The following ADGRV1 variants were observed in gnomAD, a reference collection of about 807,000 sequenced individuals.
ADGRV1 encodes adhesion G protein-coupled receptor V1, also known as G-protein coupled receptor 98.
ADGRV1 carries 359 observed loss-of-function variants against 596.2 expected under a neutral mutation model. The ratio of observed to expected loss-of-function variants is 0.60; its 90% CI spans 0.55 to 0.66. The LOEUF (loss-of-function observed/expected upper bound fraction) is 0.66. Ranked by LOEUF, ADGRV1 falls within the 30% of genes least tolerant of loss-of-function variation. ADGRV1 has a pLI of 0.00. For missense variants in ADGRV1, 7,274 were observed against 7,575.6 expected, an observed-to-expected ratio of 0.96 and a Z score of 1.48; for synonymous variants, 2,681 against 2,679.2, an observed-to-expected ratio of 1.00 and a Z score of -0.02.
intron 87 of ADGRV1, among the ~76,000 whole-genome samples, chr5:91,108,051 A>G (rs921090110): frequency 2.6e-5 from 4 of 152,206 alleles, no homozygotes; most frequent in Non-Finnish European, 5.9e-5. Flanking sequence ...TGAAGCAGCA[A>G]TGATTATTTG....
At chr5:91,127,731 A>G (rs1562253517) in intron 87 of ADGRV1, among the ~76,000 whole-genome samples, 1 of 152,198 alleles carries the variant, frequency 6.6e-6, no homozygotes, top group Non-Finnish European at 1.5e-5. Flanking sequence ...CTGCCTTTAT[A>G]GAGACACCAG....
At chr5:90,737,243 A>G (rs1248291525) in intron 50 of ADGRV1, among the ~76,000 whole-genome samples, 3 of 151,910 alleles carry the variant, frequency 2.0e-5, no homozygotes, top group African/African-American at 7.2e-5. Context: ...GAATTTCCCA[A>G]GATTTCTTCT....
intron 87 of ADGRV1, among the ~76,000 whole-genome samples, chr5:91,132,136 C>G (rs924175298): frequency 1.3e-4 from 19 of 151,686 alleles, no homozygotes; most frequent in African/African-American, 4.6e-4. Flanking sequence ...GGTCTCTGTT[C>G]TGTTCCATTG....
chr5:90,922,981 A>G (rs1250027542), intron 83 of ADGRV1, among the ~76,000 whole-genome samples: 1 of 152,078 alleles, frequency 6.6e-6, no homozygotes, highest in Non-Finnish European at 1.5e-5. Flanking sequence ...CTAAATTTAT[A>G]CTGAGGGACT....
rs60272312 is a variant in ADGRV1, at chr5:90,949,774, A to T, written c.17857-15641A>T. 4.6e-3 allele frequency among the ~76,000 whole-genome samples: 707 copies of T among 152,324 alleles called. 9 individuals are homozygous for T. The highest frequency in any genetic ancestry group is 0.016 in the African/African-American group (671 of 41,576). On this transcript the variant is annotated intron_variant, in intron 83 of 89. Coordinates refer to ENST00000405460, the MANE Select transcript of ADGRV1 (RefSeq NM_032119.4). ...GCCAGAAAGAAGCAAAAAAAATAAA[A>T]TTATAGAATGTTAGAGCTGTAAGAC... is the stretch of plus-strand genomic sequence containing the variant.
intron 45 of ADGRV1, among the ~76,000 whole-genome samples, chr5:90,721,561 T>TA (rs150716034): frequency 0.23 from 739 of 3,268 alleles, 66 homozygotes; most frequent in East Asian, 0.52. Flanking sequence ...TAAAATAAAA[T>TA]AAAATAAAAT....
rs376191074 is a variant in ADGRV1, at chr5:90,692,775, T to G, written c.7122T>G (p.Thr2374=). 2.9e-5 allele frequency: 46 copies of G among 1,595,738 alleles called. No homozygotes were observed. The highest frequency in any genetic ancestry group is 3.8e-5 in the Non-Finnish European group (44 of 1,171,142). The change falls in exon 32 of 90, where the codon ACT becomes ACG. Residue 2374 remains threonine, a synonymous_variant. Transcript: ENST00000405460. ...AAAGAAGTTCCTGTGCTAATATAACTGTCAGGCGAAGGTATATGAGATAGC... is the reference window on the plus strand; with the variant it reads ...AAAGAAGTTCCTGTGCTAATATAACGGTCAGGCGAAGGTATATGAGATAGC... ...PLERSSCANI[T]VRRSGGHFGR...
At chr5:91,006,059 A>G (rs1254479170) in intron 85 of ADGRV1, among the ~76,000 whole-genome samples, 1 of 152,178 alleles carries the variant, frequency 6.6e-6, no homozygotes, top group South Asian at 2.1e-4. Flanking sequence ...TTTTCAAACT[A>G]GAATACTTGT....
intron 83 of ADGRV1, among the ~76,000 whole-genome samples, chr5:90,946,439 T>C (rs941962787): frequency 3.3e-5 from 5 of 152,192 alleles, no homozygotes; most frequent in Admixed American, 3.3e-4. Context: ...GTGGCTATAC[T>C]TATTGGTTGG....
chr5:91,135,005 A>G (rs1303376648), intron 87 of ADGRV1, among the ~76,000 whole-genome samples: 3 of 152,042 alleles, frequency 2.0e-5, no homozygotes. Context: ...AACATGGTGA[A>G]ACCCCGTCTC....
At chr5:90,856,511 T>C (rs1482428956) in intron 82 of ADGRV1, among the ~76,000 whole-genome samples, 1 of 152,220 alleles carries the variant, frequency 6.6e-6, no homozygotes, top group Non-Finnish European at 1.5e-5. Flanking sequence ...TATTATTTGC[T>C]GTATTAATTA....
intron 82 of ADGRV1, among the ~76,000 whole-genome samples, chr5:90,860,068 G>A (rs1308212881): frequency 6.6e-6 from 1 of 151,980 alleles, no homozygotes; most frequent in Non-Finnish European, 1.5e-5. Context: ...TCCAGCCTGG[G>A]AGACTGAGCA....
At chr5:90,968,881 G>A (rs1310817994) in intron 84 of ADGRV1, among the ~76,000 whole-genome samples, 1 of 152,052 alleles carries the variant, frequency 6.6e-6, no homozygotes, top group Non-Finnish European at 1.5e-5. Context: ...ATATGTCTGT[G>A]CATAGCTTAT....
chr5:90,759,901 G>A, intron 58 of ADGRV1: 2 of 298,696 alleles, frequency 6.7e-6, no homozygotes, highest in South Asian at 6.1e-5. Flanking sequence ...GGAGGCAGAG[G>A]TTGCAGTGAG....
intron 83 of ADGRV1, among the ~76,000 whole-genome samples, chr5:90,889,078 C>T (rs1047141282): frequency 6.6e-6 from 1 of 152,066 alleles, no homozygotes; most frequent in Non-Finnish European, 1.5e-5. Flanking sequence ...GGAGTGCCAA[C>T]AAGTTTTTCA....
At position 91,103,989 on chromosome 5, in the gene ADGRV1, G is replaced by A. The variant is rs73771174; in HGVS notation, c.18432+1649G>A. 6.4e-3 allele frequency among the ~76,000 whole-genome samples: 979 copies of A among 152,284 alleles called. 11 individuals carry two copies. Among genetic ancestry groups the A allele is most frequent in the African/African-American group, 0.022 (910 of 41,556 alleles). ...ACAGAAAGGGTAGATTGGTTTAAACGCCGGCTTTCCATGCTTGGGATGCTG... is the reference window on the plus strand; with the variant it reads ...ACAGAAAGGGTAGATTGGTTTAAACACCGGCTTTCCATGCTTGGGATGCTG... On this transcript the variant is annotated intron_variant, in intron 87 of 89. Coordinates refer to ENST00000405460, the MANE Select transcript of ADGRV1 (RefSeq NM_032119.4).
At chr5:90,703,639 T>C in intron 34 of ADGRV1, 26 bp from the exon 35 acceptor site, 1 of 1,542,240 alleles carries the variant, frequency 6.5e-7, no homozygotes, top group Non-Finnish European at 8.9e-7. Flanking sequence ...ATTAAGTATT[T>C]ATCAATTTAC....
At chr5:90,860,214 A>G (rs1332673732) in intron 82 of ADGRV1, among the ~76,000 whole-genome samples, 2 of 152,174 alleles carry the variant, frequency 1.3e-5, no homozygotes, top group Admixed American at 6.5e-5. Context: ...TCTCCTGGCA[A>G]CCTCACCACT....
chr5:90,809,354 C>G (rs543384532), intron 73 of ADGRV1, among the ~76,000 whole-genome samples: 140 of 129,398 alleles, frequency 1.1e-3, no homozygotes, highest in Middle Eastern at 8.3e-3. Context: ...CTCTCCCCAG[C>G]AACCTTACAA....
Sources: gnomAD v4.1 joint callset for allele counts (sites outside exome capture counted in the v4.1 genomes callset) on GRCh38, gnomAD v4.1.1 for gene constraint, MANE v1.5 for transcripts, NCBI Gene and HGNC (gene_info 2026-07-23, HGNC 2026-07-21) for gene names.